The following IFT27 variants were observed in gnomAD, a reference collection of about 807,000 sequenced individuals.
IFT27 encodes intraflagellar transport 27.
In IFT27, 19 loss-of-function variants were observed where a neutral mutation model predicts 23.9. The observed-to-expected ratio is 0.79, with a 90% CI of 0.55 to 1.16. IFT27 has a LOEUF of 1.16. Among genes scored for constraint, IFT27 ranks in the 50% most tolerant of loss-of-function variants. The pLI is 0.00. For missense variants in IFT27, 206 were observed against 228.7 expected, an observed-to-expected ratio of 0.90 and a Z score of 0.64; for synonymous variants, 91 against 89.1, an observed-to-expected ratio of 1.02 and a Z score of -0.12.
chr22:36,762,818 G>T, intron 6 of IFT27, 86 bp downstream of exon 6: 1 of 712,800 alleles, frequency 1.4e-6, no homozygotes, highest in Non-Finnish European at 2.2e-6. Flanking sequence ...TGGAATAACA[G>T]CTCCCTGCAC....
chr22:36,774,620 C>T (rs1237669565), intron 1 of IFT27, among the ~76,000 whole-genome samples: 3 of 151,088 alleles, frequency 2.0e-5, no homozygotes. Context: ...CCAGTCTGGC[C>T]AACATGGTGA....
At chr22:36,760,392 T>G (rs1938057207) in intron 6 of IFT27, 1 of 152,228 alleles carries the variant, frequency 6.6e-6, no homozygotes, top group African/African-American at 2.4e-5. Context: ...CTGAAATAGA[T>G]GAAAATTGAA....
At chr22:36,763,701 C>A in intron 5 of IFT27, 1 of 640,168 alleles carries the variant, frequency 1.6e-6, no homozygotes, top group South Asian at 1.7e-5. Context: ...CTGCCAGGTG[C>A]GTGTCCTCAT....
chr22:36,774,820 A>T (rs965174557), intron 1 of IFT27, among the ~76,000 whole-genome samples: 2 of 152,204 alleles, frequency 1.3e-5, no homozygotes, highest in East Asian at 1.9e-4. Context: ...TCAAAAAAAA[A>T]AAAAAAAAAG....
At chr22:36,763,593 T>C (rs1938156145) in intron 5 of IFT27, 1 of 436,018 alleles carries the variant, frequency 2.3e-6, no homozygotes. Context: ...TTGTACCCCA[T>C]ATACAAGAGA....
At chr22:36,760,373 G>T (rs751050096) in intron 6 of IFT27, 3 of 152,204 alleles carry the variant, frequency 2.0e-5, no homozygotes, top group Non-Finnish European at 2.9e-5. Context: ...TAGACACCAC[G>T]GCGTGCTTCT....
intron 6 of IFT27, 129 bp downstream of exon 6, chr22:36,762,774 TA>T (rs1938125697): frequency 4.0e-6 from 2 of 494,510 alleles, no homozygotes; most frequent in African/African-American, 4.0e-5. Context: ...GGTAAGAATG[TA>T]AACATCAGTT....
chr22:36,769,497 G>T (rs1030254287), intron 1 of IFT27, among the ~76,000 whole-genome samples: 1 of 152,144 alleles, frequency 6.6e-6, no homozygotes, highest in Non-Finnish European at 1.5e-5. Flanking sequence ...TGGGACTACA[G>T]GTGCACGCCA....
At chr22:36,763,416 G>A (rs1473419746) in intron 5 of IFT27, 6 of 257,590 alleles carry the variant, frequency 2.3e-5, no homozygotes, top group Non-Finnish European at 4.5e-5. Context: ...GGATTCAGAG[G>A]TAATTTAGTT....
chr22:36,774,084 C>T (rs567904592), intron 1 of IFT27, among the ~76,000 whole-genome samples: 1 of 152,306 alleles, frequency 6.6e-6, no homozygotes, highest in African/African-American at 2.4e-5. Flanking sequence ...CAAGATGACA[C>T]AGCCAATAAG....
At chr22:36,775,004 A>G (rs778799105) in intron 1 of IFT27, among the ~76,000 whole-genome samples, 5 of 152,242 alleles carry the variant, frequency 3.3e-5, no homozygotes, top group African/African-American at 4.8e-5. Flanking sequence ...ACAAATGTGC[A>G]TGCCACATAT....
intron 4 of IFT27, 29 bp from the exon 5 acceptor site, chr22:36,764,065 G>A (rs762606010): frequency 1.3e-6 from 2 of 1,493,042 alleles, no homozygotes; most frequent in East Asian, 4.5e-5. Flanking sequence ...ATGAGTATGG[G>A]TCAGTAACAG....
chr22:36,765,011 G>A (rs187742784), intron 4 of IFT27, among the ~76,000 whole-genome samples: 110 of 152,256 alleles, frequency 7.2e-4, no homozygotes, highest in Non-Finnish European at 1.2e-3. Flanking sequence ...CTTGGAAGGC[G>A]GGCCCAGATT....
At chr22:36,771,753 T>C (rs1938390198) in intron 1 of IFT27, among the ~76,000 whole-genome samples, 1 of 152,182 alleles carries the variant, frequency 6.6e-6, no homozygotes, top group Non-Finnish European at 1.5e-5. Flanking sequence ...GACGACTGCG[T>C]TTTCTGTCTT....
chr22:36,770,467 A>C (rs1938363955), intron 1 of IFT27, among the ~76,000 whole-genome samples: 1 of 152,132 alleles, frequency 6.6e-6, no homozygotes. Flanking sequence ...CCTTGACAGA[A>C]GGCAGGATCT....
At chr22:36,773,471 G>C (rs892216887) in intron 1 of IFT27, among the ~76,000 whole-genome samples, 18 of 152,098 alleles carry the variant, frequency 1.2e-4, no homozygotes, top group African/African-American at 4.3e-4. Flanking sequence ...GGCTAACATG[G>C]TGAAACCCAG....
At chr22:36,767,960 T>C in intron 1 of IFT27, 98 bp from the exon 2 acceptor site, 1 of 1,094,988 alleles carries the variant, frequency 9.1e-7, no homozygotes, top group Non-Finnish European at 1.4e-6. Context: ...AAAACTTCAA[T>C]GAGTTTTGAG....
intron 1 of IFT27, chr22:36,772,867 GT>G: frequency 1.3e-6 from 1 of 775,352 alleles, no homozygotes; most frequent in Non-Finnish European, 1.6e-6. Flanking sequence ...TGTGGTGGGG[GT>G]GGGTGGACAG....
intron 1 of IFT27, 29 bp from the exon 2 acceptor site, chr22:36,767,891 C>A (rs549721081): frequency 1.9e-6 from 3 of 1,575,634 alleles, no homozygotes; most frequent in Admixed American, 3.3e-5. Context: ...AGAAAAAGAA[C>A]GCCTTAGTTC....
Sources: gnomAD v4.1 joint callset for allele counts (sites outside exome capture counted in the v4.1 genomes callset) on GRCh38, gnomAD v4.1.1 for gene constraint, MANE v1.5 for transcripts, NCBI Gene and HGNC (gene_info 2026-07-23, HGNC 2026-07-21) for gene names.